Variants in MYLK observed in about 807,000 individuals in gnomAD.
MYLK encodes myosin light chain kinase, smooth muscle.
Under a neutral mutation model 203.4 loss-of-function variants are expected in MYLK, and 106 were observed. That is an observed-to-expected ratio of 0.52 (90% CI 0.45 to 0.61). MYLK has a LOEUF of 0.61. MYLK is among the 20% of genes least tolerant of loss of function. MYLK has a pLI of 0.00. For synonymous variants in MYLK, 867 were observed against 959.5 expected, an observed-to-expected ratio of 0.90 and a Z score of 1.78; for missense variants, 2,072 against 2,442.3, an observed-to-expected ratio of 0.85 and a Z score of 3.20.
intron 5 of MYLK, among the ~76,000 whole-genome samples, chr3:123,741,649 C>T (rs58144045): frequency 0.046 from 7,013 of 152,200 alleles, 511 homozygotes; most frequent in African/African-American, 0.15. Flanking sequence ...TTCTGTGACT[C>T]CATTCAAAGG....
intron 4 of MYLK, among the ~76,000 whole-genome samples, chr3:123,781,358 C>T (rs1193039294): frequency 6.6e-6 from 1 of 152,206 alleles, no homozygotes; most frequent in Non-Finnish European, 1.5e-5. Context: ...CAAATGGAAT[C>T]CTGAGGGGGT....
intron 23 of MYLK, among the ~76,000 whole-genome samples, chr3:123,661,591 C>T (rs993769513): frequency 5.3e-5 from 8 of 152,144 alleles, no homozygotes; most frequent in African/African-American, 1.9e-4. Context: ...TCTGAAACTT[C>T]TAACCAAAAG....
chr3:123,668,122 A>C (rs1336666537), intron 20 of MYLK, among the ~76,000 whole-genome samples: 4 of 152,234 alleles, frequency 2.6e-5, no homozygotes, highest in Admixed American at 2.6e-4. Context: ...GCACGTGCGA[A>C]AACATCTTGA....
intron 18 of MYLK, among the ~76,000 whole-genome samples, chr3:123,695,279 T>G (rs1196002408): frequency 6.6e-6 from 1 of 152,202 alleles, no homozygotes; most frequent in African/African-American, 2.4e-5. Context: ...GGACCTCTTC[T>G]GTGCTCCCAA....
rs2058714210 is a variant in MYLK, at chr3:123,638,245, T to C, written c.4838-51A>G. The C allele has an allele frequency of 1.9e-6, 3 of 1,611,992 alleles. No individual in the cohort carries two copies. The East Asian group carries it at 6.7e-5, about 36-fold the overall frequency. The stretch of plus-strand genomic sequence containing the variant: ...ATTGCCAGCACATCACGGAGCCAGC[T>C]TGAGACCAGCAGCTGCCCGAATCTG... On this transcript the variant is annotated intron_variant, in intron 28 of 33. Coordinates refer to ENST00000360304, the MANE Select transcript of MYLK (RefSeq NM_053025.4).
intron 4 of MYLK, among the ~76,000 whole-genome samples, chr3:123,768,551 GT>G (rs2063776911): frequency 6.6e-6 from 1 of 152,232 alleles, no homozygotes; most frequent in African/African-American, 2.4e-5. Context: ...CTTGGCCACA[GT>G]GGGCCTAGTT....
At chr3:123,747,058 A>G (rs925492514) in intron 5 of MYLK, among the ~76,000 whole-genome samples, 3 of 152,242 alleles carry the variant, frequency 2.0e-5, no homozygotes, top group African/African-American at 7.2e-5. Context: ...CTAAAAATGT[A>G]TAATGTCATC....
intron 2 of MYLK, among the ~76,000 whole-genome samples, chr3:123,840,094 A>T (rs12632814): frequency 1.3e-5 from 2 of 152,060 alleles, no homozygotes; most frequent in East Asian, 3.9e-4. Context: ...TTAGTAAAGA[A>T]GGAAAGTATT....
chr3:123,701,233 T>C (rs1225452345), intron 17 of MYLK, among the ~76,000 whole-genome samples: 11 of 50,658 alleles, frequency 2.2e-4, no homozygotes, highest in African/African-American at 4.4e-4. Context: ...TATAAGGGTG[T>C]GTGCAAAAAA....
At chr3:123,858,798 T>C (rs1372726439) in intron 2 of MYLK, among the ~76,000 whole-genome samples, 2 of 152,136 alleles carry the variant, frequency 1.3e-5, no homozygotes, top group Non-Finnish European at 2.9e-5. Flanking sequence ...AGTTTCAACA[T>C]GAGTTTTGGA....
intron 13 of MYLK, among the ~76,000 whole-genome samples, chr3:123,715,317 T>C (rs1219677766): frequency 6.6e-6 from 1 of 152,190 alleles, no homozygotes; most frequent in African/African-American, 2.4e-5. Flanking sequence ...CTGCTGCTGA[T>C]CACCTGGACT....
intron 3 of MYLK, among the ~76,000 whole-genome samples, chr3:123,799,411 T>C (rs6783507): frequency 0.22 from 33,237 of 152,086 alleles, 6,193 homozygotes; most frequent in East Asian, 0.61. Flanking sequence ...GTTTAAAAAA[T>C]CAGGGCTCAA....
At chr3:123,841,607 G>A (rs1240040550) in intron 2 of MYLK, among the ~76,000 whole-genome samples, 4 of 151,974 alleles carry the variant, frequency 2.6e-5, no homozygotes, top group Admixed American at 6.6e-5. Flanking sequence ...CCAACAATGA[G>A]ACCTACTCCC....
In MYLK at chr3:123,812,821, C is replaced by T. The variant is rs562085109; in HGVS notation, c.-4+18727G>A. On this transcript the variant is annotated intron_variant, in intron 3 of 33. Coordinates refer to ENST00000360304, the MANE Select transcript of MYLK (RefSeq NM_053025.4). ...CTGTGAGGAGATACTTTGTGAAGGT[C>T]TTTACCTCCTGTTTCGCAGTGCTCC... 2.8e-4 allele frequency among the ~76,000 whole-genome samples: 42 copies of T among 152,308 alleles called. No individual in the cohort carries two copies. The Middle Eastern group carries it at 0.01, about 37-fold the overall frequency.
chr3:123,613,961 T>G lies in MYLK; in HGVS notation c.*144A>C. ...ACGCTGCTAGGTATCAACTGCTGTT[T>G]CTGAAGAATCAACCCACAAATGACC... On this transcript the variant is annotated 3_prime_UTR_variant, in exon 34 of 34. Coordinates refer to ENST00000360304, the MANE Select transcript of MYLK (RefSeq NM_053025.4). The G allele has an allele frequency of 1.0e-6, 1 of 1,000,364 alleles. No homozygotes were observed. Among genetic ancestry groups the G allele is most frequent in the Admixed American group, 2.1e-5 (1 of 48,454 alleles). 62.0% of individuals were successfully genotyped at this position (1,000,364 alleles called of 1,614,324 possible).
chr3:123,631,731 C>G (rs1190022998), intron 29 of MYLK, among the ~76,000 whole-genome samples: 1 of 151,810 alleles, frequency 6.6e-6, no homozygotes, highest in Non-Finnish European at 1.5e-5. Context: ...TAAAGCAAGA[C>G]CCTGATTTAT....
chr3:123,785,043 C>T (rs576008818), intron 4 of MYLK, among the ~76,000 whole-genome samples: 2 of 152,208 alleles, frequency 1.3e-5, no homozygotes, highest in Admixed American at 6.5e-5. Flanking sequence ...TTAATCACCC[C>T]GACTTCTGCC....
intron 19 of MYLK, among the ~76,000 whole-genome samples, chr3:123,686,395 A>G (rs1175620766): frequency 7.9e-5 from 12 of 151,112 alleles, no homozygotes; most frequent in Non-Finnish European, 1.5e-4. Context: ...ATCTCCCCCA[A>G]GAGGCTGGTT....
At chr3:123,701,610 G>T in intron 16 of MYLK, 101 bp from the exon 17 acceptor site, 2 of 1,211,286 alleles carry the variant, frequency 1.7e-6, no homozygotes, top group Non-Finnish European at 2.4e-6. Context: ...GGGGAAGATG[G>T]AAGTCGCCGG....
Sources: gnomAD v4.1 joint callset for allele counts (sites outside exome capture counted in the v4.1 genomes callset) on GRCh38, gnomAD v4.1.1 for gene constraint, MANE v1.5 for transcripts, NCBI Gene and HGNC (gene_info 2026-07-23, HGNC 2026-07-21) for gene names.